SLC47A2: variants seen among roughly 807,000 people sequenced by gnomAD.
SLC47A2 encodes the protein solute carrier family 47 member 2, also known as multidrug and toxin extrusion protein 2.
Under a neutral mutation model 67.7 loss-of-function variants are expected in SLC47A2, and 52 were observed. The ratio of observed to expected loss-of-function variants is 0.77; its 90% CI spans 0.61 to 0.97. SLC47A2 has a LOEUF of 0.97. Ranked by LOEUF, SLC47A2 falls within the 50% of genes least tolerant of loss-of-function variation. The pLI is 0.00. For synonymous variants in SLC47A2, 278 were observed against 292.9 expected (o/e 0.95, Z 0.52); for missense variants, 676 against 712.3 (o/e 0.95, Z 0.58).
rs577096340 is a variant in SLC47A2, at chr17:19,688,569, G to T, written c.1165-6899C>A. On this transcript the variant is annotated intron_variant, in intron 13 of 16. Transcript: ENST00000433844. ...AAAGGAAATCAAATTATCCTTGTTC[G>T]CAGGTGATATCATCTTTTTTGTTTG... 1.2e-4 allele frequency among the ~76,000 whole-genome samples: 18 copies of T among 152,228 alleles called. No individual in the cohort carries two copies. The East Asian group carries it at 3.5e-3, about 29-fold the overall frequency.
intron 5 of SLC47A2, among the ~76,000 whole-genome samples, chr17:19,710,043 C>A (rs1326378337): frequency 7.2e-5 from 11 of 152,188 alleles, no homozygotes; most frequent in Admixed American, 7.2e-4. Flanking sequence ...TGGGACTGCA[C>A]ACTGTTGGGA....
rs2085944921 is a variant in SLC47A2 at position 19,706,640 on chromosome 17, C to T, written c.841+8G>A. ...ACGCCATTGCGCCCCCCATCCTCTT[C>T]CACGTACCCATGAGGAAGCTCCCGA... is the stretch of plus-strand genomic sequence containing the variant. On this transcript the variant is annotated splice_region_variant and intron_variant, in intron 9 of 16. Coordinates refer to ENST00000433844, the MANE Select transcript of SLC47A2 (RefSeq NM_001099646.3). The T allele has an allele frequency of 6.3e-7, 1 of 1,587,942 alleles. No homozygotes were observed. Among genetic ancestry groups the T allele is most frequent in the Non-Finnish European group, 8.5e-7 (1 of 1,170,498 alleles).
chr17:19,703,660 G>A (rs963678791), intron 11 of SLC47A2, among the ~76,000 whole-genome samples: 1 of 152,240 alleles, frequency 6.6e-6, no homozygotes, highest in African/African-American at 2.4e-5. Flanking sequence ...AGAGTGGGTT[G>A]GCAGCTGCCA....
At chr17:19,704,737 GC>G in intron 10 of SLC47A2, 1 of 1,527,452 alleles carries the variant, frequency 6.5e-7, no homozygotes, top group South Asian at 1.2e-5. Context: ...GTGGAGGAGA[GC>G]CCATGGCCCT....
At chr17:19,689,618 G>C (rs1351585715) in intron 13 of SLC47A2, among the ~76,000 whole-genome samples, 4 of 151,420 alleles carry the variant, frequency 2.6e-5, no homozygotes, top group African/African-American at 9.7e-5. Flanking sequence ...GATCACCTGA[G>C]CTCAGGAGGT....
chr17:19,689,984 C>T (rs2085505446), intron 13 of SLC47A2, among the ~76,000 whole-genome samples: 3 of 152,090 alleles, frequency 2.0e-5, no homozygotes, highest in Admixed American at 2.0e-4. Context: ...GCAAAAAGAA[C>T]AAAACTGGAG....
chr17:19,709,451 C>CTG (rs975102045), intron 5 of SLC47A2, among the ~76,000 whole-genome samples: 5 of 152,166 alleles, frequency 3.3e-5, no homozygotes, highest in Admixed American at 6.5e-5. Flanking sequence ...GCATAGTGTA[C>CTG]TGATTAAGAG....
At chr17:19,707,218 A>G (rs979549667) in intron 8 of SLC47A2, among the ~76,000 whole-genome samples, 1 of 152,154 alleles carries the variant, frequency 6.6e-6, no homozygotes, top group Non-Finnish European at 1.5e-5. Flanking sequence ...ATGAGGCCCC[A>G]GGGGCCTGCA....
At chr17:19,680,669 G>T (rs1043861983) in intron 15 of SLC47A2, among the ~76,000 whole-genome samples, 2 of 152,028 alleles carry the variant, frequency 1.3e-5, no homozygotes, top group African/African-American at 2.4e-5. Context: ...AGGCTGCCCT[G>T]CCCTGTTTAA....
intron 13 of SLC47A2, among the ~76,000 whole-genome samples, chr17:19,697,913 G>A (rs1351634281): frequency 1.3e-5 from 2 of 151,890 alleles, no homozygotes; most frequent in Non-Finnish European, 2.9e-5. Flanking sequence ...TTTTAAAATG[G>A]GCAAAAGACT....
At chr17:19,682,314 CAG>C (rs1487469275) in intron 13 of SLC47A2, among the ~76,000 whole-genome samples, 6 of 147,330 alleles carry the variant, frequency 4.1e-5, no homozygotes, top group African/African-American at 1.5e-4. Flanking sequence ...GCCTGGGCGA[CAG>C]AGCGAGACTT....
Position 19,679,986 on chromosome 17 carries a change from G to C in SLC47A2, c.1446C>G (p.Thr482=). The change falls in exon 16 of 17, where the codon ACC becomes ACG. Residue 482 remains threonine, a synonymous_variant. Transcript: ENST00000433844. ...QQQQRAESTA[T]RPGPEKAVLS... ...GGACTGCTTTCTCAGGCCCAGGTCT[G>C]GTTGCAGTGCTCTCTGCTCTCTGCT... 1 of 1,614,032 alleles carries C rather than the reference G, an allele frequency of 6.2e-7. No individual in the cohort carries two copies. Among genetic ancestry groups the C allele is most frequent in the Non-Finnish European group, 8.5e-7 (1 of 1,179,972 alleles).
chr17:19,710,563 C>T (rs2086066424), intron 5 of SLC47A2, among the ~76,000 whole-genome samples: 2 of 152,006 alleles, frequency 1.3e-5, no homozygotes, highest in Admixed American at 1.3e-4. Context: ...AGCAATTCTC[C>T]TGACTCAGCC....
rs202160217 is a variant in SLC47A2 at position 19,715,148 on chromosome 17, C to T, written c.193G>A (p.Val65Met). 5 of 1,612,580 alleles carry T rather than the reference C, an allele frequency of 3.1e-6. No individual in the cohort carries two copies. Among genetic ancestry groups the T allele is most frequent in the South Asian group, 1.1e-5 (1 of 91,090 alleles). ...GCGAGGGTCACCGATGCCAGCTCCA[C>T]CTTGCCCAGGTGCCCGCAGAACACA... The part of the protein sequence containing the change: ...STVFCGHLGK[V>M]ELASVTLAVA... The change falls in exon 2 of 17, where the codon GTG becomes ATG. Residue 65 changes from valine (V) to methionine (M), a missense_variant. Coordinates refer to ENST00000433844, the MANE Select transcript of SLC47A2 (RefSeq NM_001099646.3).
Position 19,712,840 on chromosome 17 carries a change from G to A in SLC47A2, c.444-95C>T, listed in dbSNP as rs118148051. ...GTCCTCCAGGACTGGGTGCTCGGCC[G>A]CTGTCCCAGGGTCTCAGCCAGGACT... On this transcript the variant is annotated intron_variant, in intron 4 of 16. Coordinates refer to ENST00000433844, the MANE Select transcript of SLC47A2 (RefSeq NM_001099646.3). 2,793 of 1,194,206 alleles carry A rather than the reference G, an allele frequency of 2.3e-3. 54 individuals carry two copies. In the East Asian group the frequency reaches 0.043, roughly 18 times the overall value. The allele number at this position is 1,194,206 out of a possible 1,614,324, so 74.0% of individuals were successfully genotyped here. A position where few individuals can be genotyped will look rare whatever the true frequency, so the allele number is the denominator to read the frequency against.
chr17:19,686,933 A>G (rs1219219195), intron 13 of SLC47A2, among the ~76,000 whole-genome samples: 2 of 152,218 alleles, frequency 1.3e-5, no homozygotes, highest in Non-Finnish European at 2.9e-5. Flanking sequence ...AATCTGCCCT[A>G]GAGACTAAAT....
At chr17:19,702,030 G>A (rs373867326) in intron 13 of SLC47A2, 8 of 624,750 alleles carry the variant, frequency 1.3e-5, no homozygotes, top group African/African-American at 1.2e-4. Flanking sequence ...GATCACTTGA[G>A]CTCAGGAGGT....
At chr17:19,709,190 G>A (rs149038159) in intron 5 of SLC47A2, among the ~76,000 whole-genome samples, 1,914 of 152,342 alleles carry the variant, frequency 0.013, 13 homozygotes, top group Admixed American at 0.022. Flanking sequence ...GACTTCGGAC[G>A]AGGGAATGGC....
chr17:19,697,079 C>T (rs542655901), intron 13 of SLC47A2, among the ~76,000 whole-genome samples: 5 of 152,172 alleles, frequency 3.3e-5, no homozygotes, highest in African/African-American at 4.8e-5. Flanking sequence ...ATGACGAGGT[C>T]AGGAGTTCGA....
Sources: gnomAD v4.1 joint callset for allele counts (sites outside exome capture counted in the v4.1 genomes callset) on GRCh38, gnomAD v4.1.1 for gene constraint, MANE v1.5 for transcripts, NCBI Gene and HGNC (gene_info 2026-07-23, HGNC 2026-07-21) for gene names.